The following RAB27A variants were observed in gnomAD, a reference collection of about 807,000 sequenced individuals.
RAB27A encodes the protein ras-related protein Rab-27A.
A neutral mutation model predicts 20.8 loss-of-function variants in RAB27A; 17 were observed. That is an observed-to-expected ratio of 0.82 (90% CI 0.56 to 1.23). The LOEUF (loss-of-function observed/expected upper bound fraction) is 1.23. RAB27A is among the 50% of genes most tolerant of loss of function. The pLI is 0.00. For synonymous variants in RAB27A, 85 were observed against 92.8 expected (o/e 0.92, Z 0.48); for missense variants, 277 against 266.7 (o/e 1.04, Z -0.27).
chr15:55,308,891 A>G (rs1000699509), intron 2 of RAB27A, among the ~76,000 whole-genome samples: 5 of 152,220 alleles, frequency 3.3e-5, no homozygotes, highest in African/African-American at 7.2e-5. Flanking sequence ...CACTACCCAT[A>G]AACAATGAGG....
At chr15:55,246,022 G>A (rs1471153365) in intron 2 of RAB27A, among the ~76,000 whole-genome samples, 1 of 151,900 alleles carries the variant, frequency 6.6e-6, no homozygotes, top group Non-Finnish European at 1.5e-5. Flanking sequence ...AGGTTCACGG[G>A]CGATAATGCC....
chr15:55,318,032 T>C (rs2055068403), intron 1 of RAB27A, among the ~76,000 whole-genome samples: 1 of 151,966 alleles, frequency 6.6e-6, no homozygotes. Context: ...TAGGGAAGGG[T>C]ATAAGACAAA....
chr15:55,205,258 G>A lies in RAB27A; in HGVS notation c.*249C>T. 1 of 538,836 alleles carries A rather than the reference G, an allele frequency of 1.9e-6. No homozygotes were observed. Among genetic ancestry groups the A allele is most frequent in the South Asian group, 2.0e-5 (1 of 49,550 alleles). The allele number at this position is 538,836 out of a possible 1,614,324, so 33.4% of individuals were successfully genotyped here. A position where few individuals can be genotyped will look rare whatever the true frequency, so the allele number is the denominator to read the frequency against. On this transcript the variant is annotated 3_prime_UTR_variant, in exon 7 of 7. Transcript: ENST00000336787. ...ATCCTTGAATGATTTACTATAATAGGCTAAGGTTGTATAAGGCACTTTTGG... is the reference window on the plus strand; with the variant it reads ...ATCCTTGAATGATTTACTATAATAGACTAAGGTTGTATAAGGCACTTTTGG...
intron 4 of RAB27A, among the ~76,000 whole-genome samples, chr15:55,229,619 G>A (rs1376903450): frequency 2.0e-5 from 3 of 151,730 alleles, no homozygotes; most frequent in Non-Finnish European, 2.9e-5. Context: ...AGGTTGCGGT[G>A]AGCTGAGATC....
chr15:55,239,566 G>C (rs901620317), intron 2 of RAB27A, among the ~76,000 whole-genome samples: 3 of 152,144 alleles, frequency 2.0e-5, no homozygotes, highest in Admixed American at 6.6e-5. Context: ...GAAGATGACA[G>C]ATAACAGGGA....
chr15:55,259,623 T>C (rs1470291990), intron 2 of RAB27A, among the ~76,000 whole-genome samples: 1 of 152,190 alleles, frequency 6.6e-6, no homozygotes, highest in Non-Finnish European at 1.5e-5. Context: ...GATATTCTTT[T>C]ATATTATGTT....
Position 55,289,807 on chromosome 15 carries a change from A to T in RAB27A, c.-234T>A, listed in dbSNP as rs980072543. 1 of 152,292 alleles carries T rather than the reference A, an allele frequency of 6.6e-6. No homozygotes were observed. Among genetic ancestry groups the T allele is most frequent in the Admixed American group, 6.5e-5 (1 of 15,272 alleles). The allele number at this position is 152,292 out of a possible 1,614,324, so 9.4% of individuals were successfully genotyped here. On this transcript the variant is annotated 5_prime_UTR_variant, in exon 1 of 7. Coordinates refer to ENST00000336787, the MANE Select transcript of RAB27A (RefSeq NM_183235.3). The stretch of plus-strand genomic sequence containing the variant: ...GGCCTTTTTTGGGTCGTTGGCGGGT[A>T]TTTTCCGCCTGGCCCCACATCACTT...
intron 2 of RAB27A, chr15:55,313,915 G>A (rs1251852992): frequency 6.5e-6 from 1 of 152,836 alleles, no homozygotes; most frequent in Non-Finnish European, 1.5e-5. Flanking sequence ...GGAGGTTGCA[G>A]TGAGCTGACA....
rs1896184690 is a variant in RAB27A, at chr15:55,234,777, C to T, written c.153+5G>A. On this transcript the variant is annotated splice_donor_5th_base_variant and intron_variant, in intron 3 of 6. Transcript: ENST00000336787. ...CATTTTTACATAGAAGGATATAGAA[C>T]TTACCACTCTTTTTTCCCTGAAATC... The T allele has an allele frequency of 6.2e-7, 1 of 1,607,150 alleles. No homozygotes were observed. Among genetic ancestry groups the T allele is most frequent in the Non-Finnish European group, 8.5e-7 (1 of 1,174,248 alleles).
intron 1 of RAB27A, among the ~76,000 whole-genome samples, chr15:55,315,923 A>G (rs2055041312): frequency 6.6e-6 from 1 of 152,238 alleles, no homozygotes; most frequent in African/African-American, 2.4e-5. Flanking sequence ...AAAGGATTAC[A>G]AATCATTCTA....
At position 55,204,228 on chromosome 15, in the gene RAB27A, T is replaced by A. The variant is rs1010434183; in HGVS notation, c.*1279A>T. ...TTCACCTAAATGAAATACCTTTGAATTTTATAAACAACTTCCATGAAACAT... is the reference window on the plus strand; with the variant it reads ...TTCACCTAAATGAAATACCTTTGAAATTTATAAACAACTTCCATGAAACAT... On this transcript the variant is annotated 3_prime_UTR_variant, in exon 7 of 7. Coordinates refer to ENST00000336787, the MANE Select transcript of RAB27A (RefSeq NM_183235.3). 1 of 152,348 alleles carries A rather than the reference T, an allele frequency of 6.6e-6. No homozygotes were observed. Among genetic ancestry groups the A allele is most frequent in the Non-Finnish European group, 1.5e-5 (1 of 68,032 alleles). 9.4% of individuals were successfully genotyped at this position (152,348 alleles called of 1,614,324 possible). A position where few individuals can be genotyped will look rare whatever the true frequency, so the allele number is the denominator to read the frequency against.
At chr15:55,211,938 T>C (rs1895044372) in intron 6 of RAB27A, among the ~76,000 whole-genome samples, 1 of 150,490 alleles carries the variant, frequency 6.6e-6, no homozygotes, top group African/African-American at 2.4e-5. Context: ...TTTTATTAAA[T>C]GAGTTTCCTG....
At chr15:55,205,741 G>A in intron 6 of RAB27A, 36 bp from the exon 7 acceptor site, 1 of 1,531,938 alleles carries the variant, frequency 6.5e-7, no homozygotes, top group Non-Finnish European at 9.0e-7. Context: ...ACAACATGTG[G>A]AGGGAAAGGA....
chr15:55,251,850 C>T (rs1896901187), intron 2 of RAB27A, among the ~76,000 whole-genome samples: 1 of 152,088 alleles, frequency 6.6e-6, no homozygotes, highest in African/African-American at 2.4e-5. Context: ...ATGTCTGTGT[C>T]ATGAGGAGTG....
chr15:55,245,057 G>C (rs1363046678), intron 2 of RAB27A, among the ~76,000 whole-genome samples: 1 of 152,116 alleles, frequency 6.6e-6, no homozygotes, highest in East Asian at 1.9e-4. Flanking sequence ...GCTAGAAGAG[G>C]CATTTTATAA....
chr15:55,228,563 T>C, intron 5 of RAB27A, 46 bp downstream of exon 5: 1 of 1,378,698 alleles, frequency 7.3e-7, no homozygotes, highest in East Asian at 2.3e-5. Context: ...ATTCTATAAA[T>C]AAGAGGGGAC....
At chr15:55,209,884 G>GTGTA (rs1566896332) in intron 6 of RAB27A, among the ~76,000 whole-genome samples, 1 of 66,248 alleles carries the variant, frequency 1.5e-5, no homozygotes, top group Non-Finnish European at 2.9e-5. Context: ...ATATGTGTGT[G>GTGTA]TATACATATA....
intron 2 of RAB27A, among the ~76,000 whole-genome samples, chr15:55,247,840 T>C (rs2141026257): frequency 6.6e-6 from 1 of 152,160 alleles, no homozygotes; most frequent in Non-Finnish European, 1.5e-5. Flanking sequence ...ACCATCAATT[T>C]GACACATAGA....
intron 1 of RAB27A, among the ~76,000 whole-genome samples, chr15:55,288,531 A>G (rs1898219167): frequency 1.3e-5 from 2 of 152,172 alleles, no homozygotes; most frequent in African/African-American, 4.8e-5. Flanking sequence ...AAAAGAAAAA[A>G]AAGGAAAAAT....
Sources: allele counts gnomAD v4.1 joint callset (sites outside exome capture counted in the v4.1 genomes callset), GRCh38; gene constraint gnomAD v4.1.1; transcripts MANE v1.5; gene names NCBI Gene and HGNC (gene_info 2026-07-23, HGNC 2026-07-21).